Variants in NCK1 observed in about 807,000 individuals in gnomAD.
NCK1 encodes the protein NCK adaptor protein 1.
NCK1 carries 19 observed loss-of-function variants against 36.6 expected under a neutral mutation model. The ratio of observed to expected loss-of-function variants is 0.52; its 90% confidence interval spans 0.36 to 0.76. The LOEUF (loss-of-function observed/expected upper bound fraction) is 0.76. NCK1 is among the 30% of genes least tolerant of loss of function. The probability of loss-of-function intolerance (pLI) is 0.00; values close to 1 mark genes in which losing one functional copy is unlikely to be tolerated. For synonymous variants in NCK1, 165 were observed against 156.0 expected, an observed-to-expected ratio of 1.06 and a Z score of -0.43; for missense variants, 358 against 445.6, an observed-to-expected ratio of 0.80 and a Z score of 1.77.
chr3:136,918,596 C>T (rs993386928), intron 1 of NCK1, among the ~76,000 whole-genome samples: 6 of 152,306 alleles, frequency 3.9e-5, no homozygotes, highest in African/African-American at 7.2e-5. Context: ...CTGTGGCCTG[C>T]GGGCTGCATG....
At chr3:136,868,221 T>C (rs777250828) in intron 1 of NCK1, among the ~76,000 whole-genome samples, 1 of 152,172 alleles carries the variant, frequency 6.6e-6, no homozygotes, top group Non-Finnish European at 1.5e-5. Context: ...CAGCCTTACA[T>C]TGTAAATTAT....
At chr3:136,867,228 C>T (rs1488564384) in intron 1 of NCK1, among the ~76,000 whole-genome samples, 2 of 138,448 alleles carry the variant, frequency 1.4e-5, no homozygotes, top group Admixed American at 7.9e-5. Context: ...TCCTTCCGTC[C>T]ATCCATCCGT....
rs138328323 is a variant in NCK1, at chr3:136,902,198, T to TTCG, written c.-18-25785_-18-25784insCGT. ...CTTAACTCTTTGTTTTTTTTTTTTT[T>TTCG]TTTTGTTTTTGTTTTTTGAGACAGA... On this transcript the variant is annotated intron_variant, in intron 1 of 3. Transcript: ENST00000481752. Among the ~76,000 whole-genome samples the TTCG allele has an allele frequency of 4.8e-4, 63 of 131,538 alleles. No homozygotes were observed. The South Asian group carries it at 8.6e-3, about 18-fold the overall frequency. The allele number at this position is 131,538 out of a possible 152,430, so 86.3% of individuals were successfully genotyped here.
chr3:136,948,234 T>C, intron 3 of NCK1, 25 bp from the exon 4 acceptor site: 1 of 1,550,172 alleles, frequency 6.5e-7, no homozygotes, highest in Non-Finnish European at 8.7e-7. Flanking sequence ...ATGTTTACTA[T>C]ATGTATCTTT....
chr3:136,927,949 A>G, intron 1 of NCK1, 35 bp from the exon 2 acceptor site: 1 of 1,425,128 alleles, frequency 7.0e-7, no homozygotes, highest in Non-Finnish European at 9.8e-7. Context: ...ATACTACCTC[A>G]ACCTTACATA....
At chr3:136,902,496 A>G (rs9840500) in intron 1 of NCK1, among the ~76,000 whole-genome samples, 24,733 of 152,170 alleles carry the variant, frequency 0.16, 2,675 homozygotes, top group Non-Finnish European at 0.24. Flanking sequence ...CACCTGGCCT[A>G]TTATTCTTGA....
chr3:136,879,131 CA>C (rs35320281), intron 1 of NCK1, among the ~76,000 whole-genome samples: 2 of 148,722 alleles, frequency 1.3e-5, no homozygotes, highest in African/African-American at 2.5e-5. Flanking sequence ...ATCAGAACAA[CA>C]AAAAAAAAGG....
At chr3:136,903,294 G>C (rs1004776194) in intron 1 of NCK1, among the ~76,000 whole-genome samples, 4 of 152,104 alleles carry the variant, frequency 2.6e-5, no homozygotes, top group African/African-American at 9.7e-5. Flanking sequence ...GTTTCTGTTT[G>C]CATGGAATAT....
At chr3:136,896,441 A>G (rs1055861540) in intron 1 of NCK1, among the ~76,000 whole-genome samples, 1 of 152,228 alleles carries the variant, frequency 6.6e-6, no homozygotes, top group Non-Finnish European at 1.5e-5. Flanking sequence ...CTCCAGGTCC[A>G]TCCATGTTGC....
chr3:136,926,406 C>G (rs1940239781), intron 1 of NCK1, among the ~76,000 whole-genome samples: 1 of 151,950 alleles, frequency 6.6e-6, no homozygotes, highest in South Asian at 2.1e-4. Context: ...TCCCAAGTAG[C>G]TGGGACTACA....
At position 136,946,304 on chromosome 3, in the gene NCK1, AT is replaced by A; in HGVS notation, c.939+13del. 1 of 1,592,550 alleles carries A rather than the reference AT, an allele frequency of 6.3e-7. No homozygotes were observed. Among genetic ancestry groups the A allele is most frequent in the Non-Finnish European group, 8.6e-7 (1 of 1,164,576 alleles). On this transcript the variant is annotated intron_variant, in intron 3 of 3. Coordinates refer to ENST00000481752, the MANE Select transcript of NCK1 (RefSeq NM_001291999.2). ...GTGATAGTGAATCTTCGGTAAGTTG[AT>A]TTTCGGAGGTAAATACAAATAGAGC... is the stretch of plus-strand genomic sequence containing the variant.
chr3:136,937,902 TA>T (rs1222328602), intron 2 of NCK1, among the ~76,000 whole-genome samples: 1 of 151,932 alleles, frequency 6.6e-6, no homozygotes, highest in East Asian at 1.9e-4. Flanking sequence ...TTCCCCTCCC[TA>T]ATTGCTTTGA....
At chr3:136,948,078 C>T (rs543346455) in intron 3 of NCK1, among the ~76,000 whole-genome samples, 181 bp from the exon 4 acceptor site, 1 of 152,148 alleles carries the variant, frequency 6.6e-6, no homozygotes, top group Non-Finnish European at 1.5e-5. Flanking sequence ...CTTTGAGACT[C>T]AGTTTTCACA....
chr3:136,936,133 TG>T (rs1405824402), intron 2 of NCK1, among the ~76,000 whole-genome samples: 17 of 151,664 alleles, frequency 1.1e-4, no homozygotes, highest in Non-Finnish European at 1.8e-4. Flanking sequence ...CTCTGCCTCT[TG>T]GGTTCAAGTG....
intron 1 of NCK1, among the ~76,000 whole-genome samples, chr3:136,919,480 C>T (rs1940050763): frequency 6.6e-6 from 1 of 152,062 alleles, no homozygotes. Context: ...CCTCTGGAAT[C>T]TCTAGTGAAA....
intron 1 of NCK1, among the ~76,000 whole-genome samples, chr3:136,924,583 TTAA>T (rs1181462263): frequency 1.3e-5 from 2 of 152,256 alleles, no homozygotes; most frequent in African/African-American, 2.4e-5. Flanking sequence ...GCAGGAGTTC[TTAA>T]TAAAGGAACA....
intron 1 of NCK1, among the ~76,000 whole-genome samples, chr3:136,865,966 A>G (rs939009745): frequency 2.0e-5 from 3 of 152,282 alleles, no homozygotes; most frequent in Admixed American, 2.0e-4. Flanking sequence ...AGCCATTTTT[A>G]TCTTTGAACT....
chr3:136,921,826 C>A (rs1420101454), intron 1 of NCK1, among the ~76,000 whole-genome samples: 1 of 152,190 alleles, frequency 6.6e-6, no homozygotes, highest in Non-Finnish European at 1.5e-5. Context: ...TCTCTGTCAC[C>A]AGGCTGGAGT....
rs564247191 is a variant in NCK1, at chr3:136,927,950, A to G, written c.-18-34A>G. 1.5e-5 allele frequency: 22 copies of G among 1,432,564 alleles called. No individual in the cohort carries two copies. The African/African-American group carries it at 2.1e-4, about 14-fold the overall frequency. 88.7% of individuals were successfully genotyped at this position (1,432,564 alleles called of 1,614,324 possible). A position where few individuals can be genotyped will look rare whatever the true frequency, so the allele number is the denominator to read the frequency against. ...AAGCATGTGAACTAATACTACCTCA[A>G]CCTTACATAAAAATATTTTCCATGT... On this transcript the variant is annotated intron_variant, in intron 1 of 3. Transcript: ENST00000481752.
Sources: allele counts gnomAD v4.1 joint callset (sites outside exome capture counted in the v4.1 genomes callset), GRCh38; gene constraint gnomAD v4.1.1; transcripts MANE v1.5; gene names NCBI Gene and HGNC (gene_info 2026-07-23, HGNC 2026-07-21).